The following ARFGEF1 variants were observed in gnomAD, a reference collection of about 807,000 sequenced individuals.
ARFGEF1 encodes ARF guanine nucleotide exchange factor 1, also known as brefeldin A-inhibited guanine nucleotide-exchange protein 1.
A neutral mutation model predicts 231.0 loss-of-function variants in ARFGEF1; 42 were observed. The observed-to-expected ratio is 0.18, with a 90% CI of 0.14 to 0.24. ARFGEF1 has a LOEUF of 0.24. Ranked by LOEUF, ARFGEF1 falls within the 10% of genes least tolerant of loss-of-function variation. The pLI is 1.00. For synonymous variants in ARFGEF1, 710 were observed against 732.3 expected, an observed-to-expected ratio of 0.97 and a Z score of 0.49; for missense variants, 1,345 against 2,192.0, an observed-to-expected ratio of 0.61 and a Z score of 7.72.
At chr8:67,221,246 T>G (rs534424502) in intron 29 of ARFGEF1, among the ~76,000 whole-genome samples, 1 of 152,332 alleles carries the variant, frequency 6.6e-6, no homozygotes, top group East Asian at 1.9e-4. Flanking sequence ...TACAAATTTT[T>G]AAAAAGTTAA....
At chr8:67,194,792 ATCAATCAGAT>A (rs1287666624), downstream of ARFGEF1, among the ~76,000 whole-genome samples, 2 of 152,156 alleles carry the variant, frequency 1.3e-5, no homozygotes, top group Non-Finnish European at 2.9e-5. Flanking sequence ...GTTGCGTACA[ATCAATCAGAT>A]TCAATTAAAG....
Position 67,218,113 on chromosome 8 carries a change from CAAGTTGT to C in ARFGEF1, c.4357_4363del (p.Thr1453AlafsTer16). On this transcript the variant is annotated frameshift_variant, in exon 31 of 39. Coordinates refer to ENST00000262215, the MANE Select transcript of ARFGEF1 (RefSeq NM_006421.5). LOFTEE classifies it high-confidence loss of function. ...ACAGATTGCATAAAGTGCATGATTG[CAAGTTGT>C]TGTCATCCATTCAGCTTTCTGGGGA... 6.6e-7 allele frequency: 1 copy of C among 1,515,012 alleles called. No individual in the cohort carries two copies. The highest frequency in any genetic ancestry group is 8.9e-7 in the Non-Finnish European group (1 of 1,129,004). The allele number at this position is 1,515,012 out of a possible 1,614,324, so 93.8% of individuals were successfully genotyped here. A position where few individuals can be genotyped will look rare whatever the true frequency, so the allele number is the denominator to read the frequency against.
In ARFGEF1 at chr8:67,227,187, T is replaced by G. The variant is rs1196773781; in HGVS notation, c.3866A>C (p.Gln1289Pro). Residue 1289 changes from glutamine to proline, a missense_variant, in exon 27 of 39, where the codon CAA (glutamine) becomes CCA (proline). Around this residue, in one of 14 missense-constraint regions of ARFGEF1, gnomAD observed 142 missense variants for 227.3 expected, o/e 0.62. Coordinates refer to ENST00000262215, the MANE Select transcript of ARFGEF1 (RefSeq NM_006421.5). ...FSVFHLAASDQDESIVELAFQ... is the reference protein window; with the variant it reads ...FSVFHLAASDPDESIVELAFQ... ...TGCAAGTTCCACTATGCTTTCATCT[T>G]GATCAGATGCAGCTAGATGAAATAC... 6.2e-7 allele frequency: 1 copy of G among 1,613,106 alleles called. No individual in the cohort carries two copies. The highest frequency in any genetic ancestry group is 1.3e-5 in the African/African-American group (1 of 75,000).
At chr8:67,258,490 A>C (rs926116427) in intron 15 of ARFGEF1, among the ~76,000 whole-genome samples, 200 bp from the exon 16 acceptor site, 1 of 151,812 alleles carries the variant, frequency 6.6e-6, no homozygotes, top group Non-Finnish European at 1.5e-5. Flanking sequence ...GCGCCCAGCT[A>C]ATTTTTTTTG....
At chr8:67,181,190 C>G (rs772925840) in intron 5 of ARFGEF1, among the ~76,000 whole-genome samples, 1 of 151,752 alleles carries the variant, frequency 6.6e-6, no homozygotes, top group Non-Finnish European at 1.5e-5. Flanking sequence ...GCATGCACCA[C>G]GATACCTGGT....
intron 26 of ARFGEF1, 25 bp downstream of exon 26, chr8:67,227,422 T>C: frequency 6.2e-7 from 1 of 1,607,392 alleles, no homozygotes; most frequent in Non-Finnish European, 8.5e-7. Context: ...TTTCCTTCTA[T>C]TAAGCAATTC....
chr8:67,282,108 A>G (rs1250407628), intron 7 of ARFGEF1, among the ~76,000 whole-genome samples: 1 of 152,138 alleles, frequency 6.6e-6, no homozygotes, highest in Non-Finnish European at 1.5e-5. Flanking sequence ...ATATTTTAAA[A>G]ATTGATACTA....
At chr8:67,252,445 C>A (rs185667456) in intron 18 of ARFGEF1, among the ~76,000 whole-genome samples, 393 of 152,204 alleles carry the variant, frequency 2.6e-3, no homozygotes, top group Non-Finnish European at 3.7e-3. Flanking sequence ...TCCAGCTTCT[C>A]TTATTTCCTA....
chr8:67,333,040 C>CTT (rs111581499), intron 1 of ARFGEF1, among the ~76,000 whole-genome samples: 62 of 141,922 alleles, frequency 4.4e-4, no homozygotes, highest in African/African-American at 1.1e-3. Context: ...AAATTAAATA[C>CTT]TTTTTTTTTT....
chr8:67,263,124 C>T (rs184866733), intron 14 of ARFGEF1, among the ~76,000 whole-genome samples: 125 of 152,294 alleles, frequency 8.2e-4, no homozygotes, highest in Middle Eastern at 6.8e-3. Flanking sequence ...TATCATATCC[C>T]ATTCCCTAAA....
At position 67,217,929 on chromosome 8, in the gene ARFGEF1, GA is replaced by G. The variant is rs1563842853; in HGVS notation, c.4475-10del. 6.2e-7 allele frequency: 1 copy of G among 1,613,244 alleles called. No individual in the cohort carries two copies. The highest frequency in any genetic ancestry group is 8.5e-7 in the Non-Finnish European group (1 of 1,179,516). ...CGCTAACTGCTCATTGTCTAGGAAA[GA>G]AAAGAGCAATTCATTTATATATTAC... On this transcript the variant is annotated splice_polypyrimidine_tract_variant and intron_variant, in intron 31 of 38. Transcript: ENST00000262215.
chr8:67,251,184 AAT>A (rs1489795803), intron 19 of ARFGEF1, 113 bp downstream of exon 19: 3 of 970,314 alleles, frequency 3.1e-6, no homozygotes, highest in African/African-American at 1.7e-5. Context: ...ATTTCACCTC[AAT>A]ATGTCTACAC....
chr8:67,343,268 G>A lies in ARFGEF1; in HGVS notation c.20C>T (p.Thr7Met). MYEGKK[T>M]KNMFLTRALE... ...AGCCCGGGTCAGGAACATGTTCTTC[G>A]TCTTCTTCCCCTCATACATGGACGC... Residue 7 changes from threonine to methionine, a missense_variant, in exon 1 of 39, where the codon ACG (threonine) becomes ATG (methionine). Physicochemically the swap from Thr to Met is moderately conservative, Grantham distance 81. Coordinates refer to ENST00000262215, the MANE Select transcript of ARFGEF1 (RefSeq NM_006421.5). The A allele has an allele frequency of 6.8e-6, 11 of 1,613,818 alleles. No homozygotes were observed. The highest frequency in any genetic ancestry group is 9.3e-6 in the Non-Finnish European group (11 of 1,179,800).
intron 1 of ARFGEF1, among the ~76,000 whole-genome samples, chr8:67,310,132 T>C (rs1452256823): frequency 6.6e-6 from 1 of 152,020 alleles, no homozygotes; most frequent in Non-Finnish European, 1.5e-5. Flanking sequence ...TTTCCCTCTC[T>C]TTCCACGGTC....
At chr8:67,328,532 A>G (rs1313694503) in intron 1 of ARFGEF1, among the ~76,000 whole-genome samples, 2 of 152,174 alleles carry the variant, frequency 1.3e-5, no homozygotes, top group African/African-American at 4.8e-5. Flanking sequence ...TGAGTTATCC[A>G]TATGTTACAC....
chr8:67,179,860 T>C, intron 5 of ARFGEF1: 3 of 1,587,184 alleles, frequency 1.9e-6, no homozygotes, highest in Non-Finnish European at 2.6e-6. Flanking sequence ...ATGTTTCTTT[T>C]AGCCCAGAGA....
Position 67,313,123 on chromosome 8 carries a change from C to T in ARFGEF1, c.125-10657G>A, listed in dbSNP as rs989677703. On this transcript the variant is annotated intron_variant, in intron 1 of 38. Coordinates refer to ENST00000262215, the MANE Select transcript of ARFGEF1 (RefSeq NM_006421.5). ...CAATTAGAAGACATTTAGCTGGGTG[C>T]GATAGTGTGCACCTGGAATCCCAGC... Among the ~76,000 whole-genome samples, 11 of 152,192 alleles carry T rather than the reference C, an allele frequency of 7.2e-5. No individual in the cohort carries two copies. The East Asian group carries it at 7.7e-4, about 11-fold the overall frequency.
downstream of ARFGEF1, chr8:67,173,687 TTTAA>T (rs1171364894): frequency 6.6e-6 from 1 of 152,040 alleles, no homozygotes; most frequent in Admixed American, 6.5e-5. Context: ...GTGTTATTTA[TTTAA>T]TTTTCTCTAT....
In ARFGEF1 at chr8:67,277,418, C is replaced by A. The variant is rs140569992; in HGVS notation, c.1067G>T (p.Gly356Val). The A allele has an allele frequency of 3.5e-4, 570 of 1,613,536 alleles. No homozygotes were observed. The highest frequency in any genetic ancestry group is 4.6e-4 in the Non-Finnish European group (538 of 1,179,754). The change falls in exon 8 of 39, where the codon GGC (glycine) becomes GTC (valine). Residue 356 changes from glycine to valine, a missense_variant. Gly to Val is a moderately radical substitution (Grantham distance 109). This residue lies in a region of ARFGEF1 where 398 missense variants were observed against 463.2 expected (regional missense o/e 0.86). Coordinates refer to ENST00000262215, the MANE Select transcript of ARFGEF1 (RefSeq NM_006421.5). ...ACCATCCTCTATAGTTCCAATGTTG[C>A]CATCTGCACTTGCATTTATAGTAGT... ...EGTTINASADGNIGTIEDGSD... is the reference protein window; with the variant it reads ...EGTTINASADVNIGTIEDGSD...
Sources: allele counts gnomAD v4.1 joint callset (sites outside exome capture counted in the v4.1 genomes callset), GRCh38; gene constraint gnomAD v4.1.1; regional missense constraint gnomAD v4.1.1; transcripts MANE v1.5; gene names NCBI Gene and HGNC (gene_info 2026-07-23, HGNC 2026-07-21).